Variants in CC2D1A observed in about 807,000 individuals in gnomAD.
CC2D1A encodes the protein coiled-coil and C2 domain containing 1A, also known as coiled-coil and C2 domain-containing protein 1A.
Under a neutral mutation model 123.8 loss-of-function variants are expected in CC2D1A, and 68 were observed. The observed-to-expected ratio is 0.55, with a 90% CI of 0.45 to 0.67. CC2D1A has a LOEUF of 0.67. Ranked by LOEUF, CC2D1A falls within the 30% of genes least tolerant of loss-of-function variation. The probability of loss-of-function intolerance (pLI) is 0.00; values close to 1 mark genes in which losing one functional copy is unlikely to be tolerated. For missense variants in CC2D1A, 1,185 were observed against 1,290.3 expected (o/e 0.92, Z 1.25); for synonymous variants, 477 against 528.0 (o/e 0.90, Z 1.32).
rs1013807170 is a variant in CC2D1A at position 13,909,634 on chromosome 19, T to C, written c.61-189T>C. 1.9e-5 allele frequency: 14 copies of C among 733,766 alleles called. No homozygotes were observed. The Admixed American group carries it at 2.0e-4, about 10-fold the overall frequency. 45.5% of individuals were successfully genotyped at this position (733,766 alleles called of 1,614,324 possible). On this transcript the variant is annotated intron_variant, in intron 1 of 28. Coordinates refer to ENST00000318003, the MANE Select transcript of CC2D1A (RefSeq NM_017721.5). ...TTGCCCTTTGCCCCAGGTTGAACTGTGCCAGAGGGCCTGGCCTATCTTGGA... is the reference window on the plus strand; with the variant it reads ...TTGCCCTTTGCCCCAGGTTGAACTGCGCCAGAGGGCCTGGCCTATCTTGGA...
Position 13,927,981 on chromosome 19 carries a change from C to T in CC2D1A, c.2405C>T (p.Thr802Met), listed in dbSNP as rs527316620. The T allele has an allele frequency of 4.9e-5, 79 of 1,613,692 alleles. No individual in the cohort carries two copies. The highest frequency in any genetic ancestry group is 3.3e-4 in the Middle Eastern group (2 of 6,062). ...CTGACAGCCCAGCAGTTGGAGACGACGACAGAGAGGTGGCTGGTCATTGAC... is the reference window on the plus strand; with the variant it reads ...CTGACAGCCCAGCAGTTGGAGACGATGACAGAGAGGTGGCTGGTCATTGAC... ...EPLTAQQLET[T>M]TERWLVIDPV... is the part of the protein sequence containing the mutation. Residue 802 changes from threonine to methionine, a missense_variant, in exon 23 of 29, where the codon ACG becomes ATG. Transcript: ENST00000318003.
intron 11 of CC2D1A, 117 bp from the exon 12 acceptor site, chr19:13,919,701 A>G: frequency 4.5e-6 from 5 of 1,100,496 alleles, no homozygotes; most frequent in Non-Finnish European, 6.1e-6. Flanking sequence ...TTAATTAATT[A>G]AAAAAAGTAA....
rs368221981 is a variant in CC2D1A at position 13,929,655 on chromosome 19, G to A, written c.2705G>A (p.Arg902Gln). 117 of 1,542,248 alleles carry A rather than the reference G, an allele frequency of 7.6e-5. No homozygotes were observed. The highest frequency in any genetic ancestry group is 4.1e-4 in the East Asian group (17 of 41,068). ...AQLEQGGVGI[R>Q]REYAAQLERQ... is the part of the protein sequence containing the mutation. ...CTGGAGCAGGGGGGTGTGGGCATCCGACGGGGTAGGGGTTTGGAGATGGGC... is the reference window on the plus strand; with the variant it reads ...CTGGAGCAGGGGGGTGTGGGCATCCAACGGGGTAGGGGTTTGGAGATGGGC... The change falls in exon 26 of 29, where the codon CGA (arginine) becomes CAA (glutamine). Residue 902 changes from arginine to glutamine, a missense_variant. Coordinates refer to ENST00000318003, the MANE Select transcript of CC2D1A (RefSeq NM_017721.5).
At chr19:13,924,013 C>T (rs1022733339) in intron 17 of CC2D1A, among the ~76,000 whole-genome samples, 5 of 152,164 alleles carry the variant, frequency 3.3e-5, no homozygotes, top group African/African-American at 1.2e-4. Context: ...CACAGTGACG[C>T]ATTTGGGAAA....
At chr19:13,929,957 G>T in intron 26 of CC2D1A, 121 bp from the exon 27 acceptor site, 1 of 832,672 alleles carries the variant, frequency 1.2e-6, no homozygotes, top group Non-Finnish European at 1.9e-6. Flanking sequence ...GCACCTGGAG[G>T]GGGAGGGGCT....
At chr19:13,918,650 C>A (rs1389263756) in intron 8 of CC2D1A, 74 bp downstream of exon 8, 2 of 1,583,452 alleles carry the variant, frequency 1.3e-6, no homozygotes, top group African/African-American at 2.7e-5. Context: ...GCTGCCACCC[C>A]TGTTGGTCAG....
At chr19:13,926,399 A>G in intron 17 of CC2D1A, 118 bp from the exon 18 acceptor site, 1 of 825,666 alleles carries the variant, frequency 1.2e-6, no homozygotes. Flanking sequence ...GACACCCCCG[A>G]AGGCCAGGGT....
rs1970772638 is a variant in CC2D1A at position 13,906,901 on chromosome 19, A to T, written c.60+400A>T. Among the ~76,000 whole-genome samples, 1 of 152,214 alleles carries T rather than the reference A, an allele frequency of 6.6e-6. No individual in the cohort carries two copies. Among genetic ancestry groups the T allele is most frequent in the South Asian group, 2.1e-4 (1 of 4,836 alleles). On this transcript the variant is annotated intron_variant, in intron 1 of 28. Transcript: ENST00000318003. This position sits in a 1 kb window ranked among gnomAD's most constrained non-coding sequence, Gnocchi z 4.1. The stretch of plus-strand genomic sequence containing the variant: ...TAACAGCTTGGCCAGGGCTAAGCAC[A>T]AATCCAGGGCTGCAGCCATAAGCTT...
chr19:13,922,132 G>C (rs918122301), intron 14 of CC2D1A, among the ~76,000 whole-genome samples: 7 of 152,170 alleles, frequency 4.6e-5, no homozygotes, highest in Non-Finnish European at 8.8e-5. Flanking sequence ...CTCCCGAGTA[G>C]CTGGAACTAC....
rs1568416070 is a variant in CC2D1A, at chr19:13,923,418, A to G, written c.1727A>G (p.Tyr576Cys). Reference sequence around the variant, plus strand: ...CTGTCTCAGGAGGCCGCCCGGCGCTATGGTGAACTCACCAAGCTCATACGG... The same window carrying G: ...CTGTCTCAGGAGGCCGCCCGGCGCTGTGGTGAACTCACCAAGCTCATACGG... ...PGLSQEAARRYGELTKLIRQQ... is the reference protein window; with the variant it reads ...PGLSQEAARRCGELTKLIRQQ... Residue 576 changes from tyrosine (Y) to cysteine (C), a missense_variant, in exon 15 of 29, where the codon TAT becomes TGT. Physicochemically the swap from Tyr to Cys is radical, Grantham distance 194. Transcript: ENST00000318003. This position sits in a 1 kb window ranked among gnomAD's most constrained non-coding sequence, Gnocchi z 5.3. 1.2e-6 allele frequency: 2 copies of G among 1,613,856 alleles called. No homozygotes were observed. Among genetic ancestry groups the G allele is most frequent in the Non-Finnish European group, 1.7e-6 (2 of 1,180,002 alleles).
intron 1 of CC2D1A, among the ~76,000 whole-genome samples, chr19:13,908,299 C>T (rs1398857872): frequency 1.3e-5 from 2 of 151,962 alleles, no homozygotes; most frequent in South Asian, 2.1e-4. Context: ...CGTGAGCCAC[C>T]GTGCCCGGCC....
intron 1 of CC2D1A, among the ~76,000 whole-genome samples, chr19:13,908,811 C>G (rs1970888148): frequency 1.3e-5 from 2 of 152,192 alleles, no homozygotes; most frequent in Admixed American, 6.5e-5. Context: ...AGTAGCTTTG[C>G]TTTGGGCAAA....
Position 13,919,032 on chromosome 19 carries a change from G to A in CC2D1A, c.1139G>A (p.Arg380His), listed in dbSNP as rs1357021858. The change falls in exon 10 of 29, where the codon CGC becomes CAC. Residue 380 changes from arginine (R) to histidine (H), a missense_variant. Arg to His is a conservative substitution (Grantham distance 29). Transcript: ENST00000318003. ...GDQRKARMHE[R>H]IVKQYQDAIR... is the part of the protein sequence containing the mutation. ...CAGCGGAAAGCTCGAATGCACGAGC[G>A]CATCGTCAAGGTGCCCTGGGGGTTC... The A allele has an allele frequency of 1.9e-6, 3 of 1,606,726 alleles. No homozygotes were observed. The highest frequency in any genetic ancestry group is 1.7e-4 in the Middle Eastern group (1 of 6,038).
At chr19:13,918,013 A>G in intron 6 of CC2D1A, 57 bp from the exon 7 acceptor site, 3 of 1,581,228 alleles carry the variant, frequency 1.9e-6, no homozygotes, top group South Asian at 2.3e-5. Flanking sequence ...CAAATGGTTT[A>G]CACGGTGAAC....
At position 13,918,138 on chromosome 19, in the gene CC2D1A, C is replaced by T; in HGVS notation, c.817C>T (p.His273Tyr). The change falls in exon 7 of 29, where the codon CAC becomes TAC. Residue 273 changes from histidine to tyrosine, a missense_variant. Coordinates refer to ENST00000318003, the MANE Select transcript of CC2D1A (RefSeq NM_017721.5). ...GCGCGACTACAAGCTGGCTGCCCTC[C>T]ACGCCAAGCAGCAGGGAGATACCAC... ...RQRDYKLAALHAKQQGDTTAA... is the reference protein window; with the variant it reads ...RQRDYKLAALYAKQQGDTTAA... 6.2e-7 allele frequency: 1 copy of T among 1,610,994 alleles called. No homozygotes were observed. Among genetic ancestry groups the T allele is most frequent in the Non-Finnish European group, 8.5e-7 (1 of 1,179,438 alleles).
At chr19:13,907,707 A>C (rs1970820933) in intron 1 of CC2D1A, among the ~76,000 whole-genome samples, 1 of 152,104 alleles carries the variant, frequency 6.6e-6, no homozygotes, top group African/African-American at 2.4e-5. Context: ...AAAATAAATA[A>C]ATAAATAAAA....
chr19:13,928,825 C>T (rs1971750501), intron 24 of CC2D1A, among the ~76,000 whole-genome samples: 1 of 151,456 alleles, frequency 6.6e-6, no homozygotes, highest in Non-Finnish European at 1.5e-5. Context: ...TCTCCTGCCT[C>T]AGCCTCCTGA....
At position 13,919,764 on chromosome 19, in the gene CC2D1A, G is replaced by A. The variant is rs912343097; in HGVS notation, c.1223-54G>A. On this transcript the variant is annotated intron_variant, in intron 11 of 28. Transcript: ENST00000318003. ...GAATCTGCATCTCCACCATAATGGT[G>A]TGAGTTGGTCTCCATCCTGACACAC... The A allele has an allele frequency of 1.6e-5, 25 of 1,526,956 alleles. No individual in the cohort carries two copies. The Admixed American group carries it at 4.6e-4, about 28-fold the overall frequency. 94.6% of individuals were successfully genotyped at this position (1,526,956 alleles called of 1,614,324 possible).
rs755759441 is a variant in CC2D1A, at chr19:13,927,922, G to A, written c.2346G>A (p.Gly782=). 4 of 1,613,614 alleles carry A rather than the reference G, an allele frequency of 2.5e-6. No individual in the cohort carries two copies. The highest frequency in any genetic ancestry group is 1.7e-5 in the Admixed American group (1 of 59,992). Residue 782 remains glycine (G), a synonymous_variant, in exon 23 of 29, where the codon GGG becomes GGA. Transcript: ENST00000318003. ...EVLDGRRPTG[G]RLEVMVRIRE... ...TGGATGGTCGCCGGCCCACAGGGGG[G>A]CGACTGGAGGTAATGGTCCGGATTC... is the stretch of plus-strand genomic sequence containing the variant.
Sources: gnomAD v4.1 joint callset for allele counts (sites outside exome capture counted in the v4.1 genomes callset) on GRCh38, gnomAD v4.1.1 for gene constraint, Gnocchi (gnomAD v3.1) non-coding constraint, MANE v1.5 for transcripts, NCBI Gene and HGNC (gene_info 2026-07-23, HGNC 2026-07-21) for gene names.